The following EFNA5 variants were observed in gnomAD, a reference collection of about 807,000 sequenced individuals.
EFNA5 encodes the protein ephrin A5.
EFNA5 carries 5 observed loss-of-function variants against 22.9 expected under a neutral mutation model. That is an observed-to-expected ratio of 0.22 (90% CI 0.11 to 0.46). The LOEUF is 0.46. EFNA5 is among the 20% of genes least tolerant of loss of function. The probability of loss-of-function intolerance (pLI) is 0.99; values close to 1 mark genes in which losing one functional copy is unlikely to be tolerated. For missense variants in EFNA5, 237 were observed against 293.3 expected (o/e 0.81, Z 1.40); for synonymous variants, 113 against 112.2 (o/e 1.01, Z -0.04).
intron 1 of EFNA5, among the ~76,000 whole-genome samples, chr5:107,558,256 G>T (rs970871762): frequency 6.6e-6 from 1 of 151,808 alleles, no homozygotes; most frequent in African/African-American, 2.4e-5. Context: ...ATGCCACACA[G>T]ATTATACTGT....
intron 1 of EFNA5, among the ~76,000 whole-genome samples, chr5:107,473,659 A>AT (rs564376165): frequency 0.11 from 15,625 of 140,878 alleles, 1,767 homozygotes; most frequent in African/African-American, 0.29. Context: ...TTTCACTTGA[A>AT]TTTTTTTTTT....
intron 4 of EFNA5, among the ~76,000 whole-genome samples, chr5:107,382,600 G>A (rs527390184): frequency 6.6e-6 from 1 of 152,188 alleles, no homozygotes; most frequent in East Asian, 1.9e-4. Flanking sequence ...CTCAAACTCA[G>A]CCTCAACCAA....
chr5:107,525,932 A>G (rs908345966), intron 1 of EFNA5, among the ~76,000 whole-genome samples: 2 of 152,200 alleles, frequency 1.3e-5, no homozygotes, highest in African/African-American at 4.8e-5. Context: ...ATTTTCTTAA[A>G]ACCTAAATCT....
chr5:107,629,013 A>G (rs758196323), intron 1 of EFNA5, among the ~76,000 whole-genome samples: 1 of 152,162 alleles, frequency 6.6e-6, no homozygotes, highest in Non-Finnish European at 1.5e-5. Flanking sequence ...TGATTTTCCT[A>G]AAGTGTCATT....
rs74697041 is a variant in EFNA5 at position 107,413,288 on chromosome 5, T to C, written c.418+13929A>G. On this transcript the variant is annotated intron_variant, in intron 2 of 4. Coordinates refer to ENST00000333274, the MANE Select transcript of EFNA5 (RefSeq NM_001962.3). ...TATTATATGGTTAAAAAAATGACTG[T>C]TGTCTAACCCAATACAGAAGTGGTA... 1.2e-3 allele frequency among the ~76,000 whole-genome samples: 178 copies of C among 152,314 alleles called. 1 individual carries two copies. Among genetic ancestry groups the C allele is most frequent in the African/African-American group, 4.0e-3 (167 of 41,584 alleles).
chr5:107,532,005 G>T (rs564045730), intron 1 of EFNA5, among the ~76,000 whole-genome samples: 1 of 152,302 alleles, frequency 6.6e-6, no homozygotes, highest in Non-Finnish European at 1.5e-5. Flanking sequence ...TCTGAATAAT[G>T]TAAGACCTCC....
At position 107,592,294 on chromosome 5, in the gene EFNA5, T is replaced by C. The variant is rs537959665; in HGVS notation, c.125+78195A>G. 1.1e-4 allele frequency among the ~76,000 whole-genome samples: 16 copies of C among 151,360 alleles called. No individual in the cohort carries two copies. In the South Asian group the frequency reaches 3.3e-3, roughly 31 times the overall value. Reference sequence around the variant, plus strand: ...AGATTTCCAACATTTAAAAATAAGTTTGTATAAACTTCAATTATACCAATG... The same window carrying C: ...AGATTTCCAACATTTAAAAATAAGTCTGTATAAACTTCAATTATACCAATG... On this transcript the variant is annotated intron_variant, in intron 1 of 4. Coordinates refer to ENST00000333274, the MANE Select transcript of EFNA5 (RefSeq NM_001962.3).
At chr5:107,456,450 G>C (rs1038382791) in intron 1 of EFNA5, among the ~76,000 whole-genome samples, 1 of 152,192 alleles carries the variant, frequency 6.6e-6, no homozygotes, top group African/African-American at 2.4e-5. Context: ...TGCAAAGCAA[G>C]TGGGCTACAG....
At chr5:107,518,648 T>C (rs1212985193) in intron 1 of EFNA5, among the ~76,000 whole-genome samples, 2 of 152,028 alleles carry the variant, frequency 1.3e-5, no homozygotes, top group Admixed American at 6.6e-5. Context: ...GGTACCACTG[T>C]AGCCATTTCC....
chr5:107,553,631 T>C (rs1748347201), intron 1 of EFNA5, among the ~76,000 whole-genome samples: 1 of 152,220 alleles, frequency 6.6e-6, no homozygotes, highest in African/African-American at 2.4e-5. Context: ...GTAGAGCAAT[T>C]ATCTGGCAAG....
intron 1 of EFNA5, among the ~76,000 whole-genome samples, chr5:107,489,496 C>T (rs538893533): frequency 9.9e-5 from 15 of 152,204 alleles, no homozygotes; most frequent in African/African-American, 2.4e-4. Flanking sequence ...TTAAACCAAA[C>T]TTAACAGATT....
intron 1 of EFNA5, among the ~76,000 whole-genome samples, chr5:107,618,062 T>G (rs552878121): frequency 1.2e-4 from 19 of 152,138 alleles, no homozygotes; most frequent in Non-Finnish European, 2.6e-4. Context: ...ACCTACAATC[T>G]TTCATTCATT....
chr5:107,670,357 T>G (rs1751164857), intron 1 of EFNA5, 132 bp downstream of exon 1: 4 of 1,236,902 alleles, frequency 3.2e-6, no homozygotes, highest in South Asian at 3.7e-5. Flanking sequence ...CCTCAAGCCA[T>G]CAGCGCCCGG....
At chr5:107,647,567 CA>C (rs1750651776) in intron 1 of EFNA5, among the ~76,000 whole-genome samples, 2 of 152,178 alleles carry the variant, frequency 1.3e-5, no homozygotes, top group African/African-American at 4.8e-5. Flanking sequence ...ATAGATTCCA[CA>C]AAAGTTCAAC....
intron 1 of EFNA5, among the ~76,000 whole-genome samples, chr5:107,463,043 T>A (rs1349279028): frequency 7.9e-5 from 12 of 152,114 alleles, no homozygotes; most frequent in Non-Finnish European, 1.6e-4. Flanking sequence ...AGTTTCCTCA[T>A]CTATGAAGCG....
At chr5:107,393,419 C>T (rs1490249535) in intron 2 of EFNA5, among the ~76,000 whole-genome samples, 1 of 152,204 alleles carries the variant, frequency 6.6e-6, no homozygotes, top group Non-Finnish European at 1.5e-5. Context: ...ACACTGTACT[C>T]ATTAGTCAAA....
intron 1 of EFNA5, among the ~76,000 whole-genome samples, chr5:107,463,162 C>T (rs1365386828): frequency 6.6e-6 from 1 of 152,088 alleles, no homozygotes; most frequent in Non-Finnish European, 1.5e-5. Context: ...CTAACCACAA[C>T]CATTCTCCAA....
At chr5:107,566,625 C>G (rs1277320422) in intron 1 of EFNA5, among the ~76,000 whole-genome samples, 2 of 152,118 alleles carry the variant, frequency 1.3e-5, no homozygotes, top group East Asian at 3.8e-4. Flanking sequence ...GAGGGAGCAC[C>G]CAAAATTACT....
At chr5:107,586,297 T>C (rs1250073060) in intron 1 of EFNA5, among the ~76,000 whole-genome samples, 3 of 152,212 alleles carry the variant, frequency 2.0e-5, no homozygotes, top group South Asian at 2.1e-4. Flanking sequence ...AAAAGTAAGC[T>C]GGTCTTTTCT....
Sources: allele counts gnomAD v4.1 joint callset (sites outside exome capture counted in the v4.1 genomes callset), GRCh38; gene constraint gnomAD v4.1.1; transcripts MANE v1.5; gene names NCBI Gene and HGNC (gene_info 2026-07-23, HGNC 2026-07-21).